Variants in CSMD1 observed in about 807,000 individuals in gnomAD.
The protein encoded by CSMD1 is CUB and sushi domain-containing protein 1.
A neutral mutation model predicts 417.5 loss-of-function variants in CSMD1; 213 were observed. The observed-to-expected ratio is 0.51, with a 90% CI of 0.46 to 0.57. The LOEUF (loss-of-function observed/expected upper bound fraction) is 0.57. Among genes scored for constraint, CSMD1 ranks in the 20% least tolerant of loss-of-function variants. CSMD1 has a pLI of 0.00. For missense variants in CSMD1, 6,923 were observed against 4,529.7 expected, an observed-to-expected ratio of 1.53 and a Z score of -15.17; for synonymous variants, 2,862 against 1,736.8, an observed-to-expected ratio of 1.65 and a Z score of -16.11.
intron 17 of CSMD1, among the ~76,000 whole-genome samples, chr8:3,388,394 G>T (rs7008964): frequency 0.56 from 84,044 of 148,994 alleles, 23,798 homozygotes; most frequent in African/African-American, 0.65. Context: ...TAAGAGCTAA[G>T]GAAAATGAGA....
chr8:3,394,943 C>A (rs988753786), intron 17 of CSMD1, among the ~76,000 whole-genome samples: 1 of 152,040 alleles, frequency 6.6e-6, no homozygotes, highest in Admixed American at 6.6e-5. Context: ...TAAAAGTAGA[C>A]AAAATCTTAA....
At chr8:4,417,214 T>C (rs1203294625) in intron 3 of CSMD1, among the ~76,000 whole-genome samples, 1 of 152,080 alleles carries the variant, frequency 6.6e-6, no homozygotes, top group Non-Finnish European at 1.5e-5. Flanking sequence ...GTGTTCCCAC[T>C]GGATTTCCAG....
At chr8:3,490,109 T>A (rs1818284190) in intron 11 of CSMD1, among the ~76,000 whole-genome samples, 1 of 152,194 alleles carries the variant, frequency 6.6e-6, no homozygotes, top group Non-Finnish European at 1.5e-5. Context: ...TAGCTGTGAT[T>A]CTCTGTGTTC....
intron 62 of CSMD1, among the ~76,000 whole-genome samples, chr8:2,958,615 T>A (rs1803202156): frequency 6.6e-6 from 1 of 152,234 alleles, no homozygotes; most frequent in South Asian, 2.1e-4. Context: ...TCTGTGTATC[T>A]GCAGCATGAG....
intron 7 of CSMD1, among the ~76,000 whole-genome samples, chr8:3,669,305 C>T (rs2117511365): frequency 6.6e-6 from 1 of 152,220 alleles, no homozygotes; most frequent in East Asian, 1.9e-4. Context: ...ATTGTGTTGC[C>T]TGTTTGTGTG....
chr8:3,835,045 G>T (rs184347332), intron 5 of CSMD1, among the ~76,000 whole-genome samples: 1 of 151,840 alleles, frequency 6.6e-6, no homozygotes, highest in Non-Finnish European at 1.5e-5. Flanking sequence ...TTAGAATGGC[G>T]ATCATTAAAA....
chr8:4,348,588 T>C (rs1219727301), intron 3 of CSMD1, among the ~76,000 whole-genome samples: 1 of 118,026 alleles, frequency 8.5e-6, no homozygotes, highest in Non-Finnish European at 1.7e-5. Context: ...TGTGTATGCA[T>C]GTGTGTGTGC....
At chr8:4,425,373 G>C (rs1203882203) in intron 2 of CSMD1, among the ~76,000 whole-genome samples, 5 of 111,544 alleles carry the variant, frequency 4.5e-5, no homozygotes, top group African/African-American at 1.2e-4. Flanking sequence ...ATTCTTATTT[G>C]TGTGCCAAAA....
intron 5 of CSMD1, among the ~76,000 whole-genome samples, chr8:3,830,363 T>C (rs529028500): frequency 3.9e-5 from 6 of 152,336 alleles, no homozygotes; most frequent in South Asian, 4.1e-4. Context: ...TGCTCAGAGG[T>C]TGCTTTCCCT....
chr8:4,008,761 G>A (rs1416009511), intron 4 of CSMD1, among the ~76,000 whole-genome samples: 4 of 151,392 alleles, frequency 2.6e-5, no homozygotes, highest in Admixed American at 1.3e-4. Flanking sequence ...CAGGCATCCG[G>A]CACCACGCCT....
At chr8:3,180,458 G>A (rs1821252055) in intron 37 of CSMD1, among the ~76,000 whole-genome samples, 1 of 151,924 alleles carries the variant, frequency 6.6e-6, no homozygotes, top group African/African-American at 2.4e-5. Context: ...CACCTTCTGG[G>A]GAATGCTAAT....
At chr8:4,202,344 T>G (rs1799706687) in intron 3 of CSMD1, among the ~76,000 whole-genome samples, 1 of 152,212 alleles carries the variant, frequency 6.6e-6, no homozygotes, top group Non-Finnish European at 1.5e-5. Flanking sequence ...ATATGGCATT[T>G]TAATGTCTTC....
At chr8:3,059,376 CT>C (rs1018339799) in intron 49 of CSMD1, among the ~76,000 whole-genome samples, 1 of 139,448 alleles carries the variant, frequency 7.2e-6, no homozygotes, top group Non-Finnish European at 1.6e-5. Flanking sequence ...CTGCTTTTCT[CT>C]GCAACAACTC....
intron 25 of CSMD1, among the ~76,000 whole-genome samples, chr8:3,285,251 C>A (rs777310381): frequency 6.6e-6 from 1 of 152,142 alleles, no homozygotes; most frequent in Non-Finnish European, 1.5e-5. Context: ...TTAAAGAAAA[C>A]ACTTATGTCA....
chr8:3,247,608 C>T (rs1355056486), intron 26 of CSMD1, among the ~76,000 whole-genome samples: 1 of 152,160 alleles, frequency 6.6e-6, no homozygotes, highest in African/African-American at 2.4e-5. Flanking sequence ...GTGGGGAGAA[C>T]ATCAGCCAGA....
At chr8:3,882,936 G>C (rs1315530244) in intron 5 of CSMD1, among the ~76,000 whole-genome samples, 1 of 152,118 alleles carries the variant, frequency 6.6e-6, no homozygotes, top group Non-Finnish European at 1.5e-5. Flanking sequence ...TCTTGGCCTT[G>C]TACTGAAGTT....
At chr8:4,869,822 G>C (rs138227718) in intron 1 of CSMD1, among the ~76,000 whole-genome samples, 1 of 151,816 alleles carries the variant, frequency 6.6e-6, no homozygotes. Flanking sequence ...ATTATGGCTG[G>C]TCTTTAATTT....
At chr8:4,678,754 T>C (rs1805849236) in intron 1 of CSMD1, among the ~76,000 whole-genome samples, 1 of 152,210 alleles carries the variant, frequency 6.6e-6, no homozygotes. Context: ...AATAAATATC[T>C]ACAGGAAAGT....
intron 1 of CSMD1, among the ~76,000 whole-genome samples, chr8:4,930,428 G>A (rs1383087047): frequency 2.6e-5 from 4 of 151,944 alleles, no homozygotes; most frequent in Non-Finnish European, 4.4e-5. Context: ...TTTGAGAAGT[G>A]GCGCTTAAAG....
Sources: gnomAD v4.1 joint callset for allele counts (sites outside exome capture counted in the v4.1 genomes callset) on GRCh38, gnomAD v4.1.1 for gene constraint, MANE v1.5 for transcripts, NCBI Gene and HGNC (gene_info 2026-07-23, HGNC 2026-07-21) for gene names.